The following SIK3 variants were observed in gnomAD, a reference collection of about 807,000 sequenced individuals.
SIK3 encodes serine/threonine-protein kinase SIK3.
Under a neutral mutation model 144.2 loss-of-function variants are expected in SIK3, and 28 were observed. The observed-to-expected ratio is 0.19, with a 90% CI of 0.14 to 0.27. SIK3 has a LOEUF of 0.27. Among genes scored for constraint, SIK3 ranks in the 10% least tolerant of loss-of-function variants. The probability of loss-of-function intolerance (pLI) is 1.00; values close to 1 mark genes in which losing one functional copy is unlikely to be tolerated. For missense variants in SIK3, 1,319 were observed against 1,776.0 expected (o/e 0.74, Z 4.62); for synonymous variants, 686 against 676.3 (o/e 1.01, Z -0.22).
chr11:116,977,608 C>T (rs1434643049), intron 1 of SIK3, among the ~76,000 whole-genome samples: 1 of 152,144 alleles, frequency 6.6e-6, no homozygotes, highest in African/African-American at 2.4e-5. Context: ...TAACAAACAG[C>T]AGATGCAGGC....
At chr11:116,988,974 T>A (rs1197675848) in intron 1 of SIK3, among the ~76,000 whole-genome samples, 1 of 151,716 alleles carries the variant, frequency 6.6e-6, no homozygotes, top group East Asian at 1.9e-4. Flanking sequence ...CCCTCAAGTC[T>A]CCCTTTCTGT....
chr11:117,071,430 T>C (rs571966299), intron 1 of SIK3, among the ~76,000 whole-genome samples: 1 of 151,724 alleles, frequency 6.6e-6, no homozygotes, highest in East Asian at 1.9e-4. Context: ...ACTAGATAAG[T>C]AACACTAGGA....
chr11:116,875,635 TG>T, intron 9 of SIK3, 184 bp from the exon 10 acceptor site: 2 of 795,470 alleles, frequency 2.5e-6, no homozygotes, highest in Non-Finnish European at 3.9e-6. Flanking sequence ...CCTCATGATT[TG>T]CTATTTCTTC....
chr11:116,873,741 CAG>C, intron 12 of SIK3, 105 bp from the exon 13 acceptor site: 1 of 1,475,840 alleles, frequency 6.8e-7, no homozygotes, highest in Admixed American at 2.3e-5. Context: ...TGGGTCATGA[CAG>C]AGACTAGAGG....
intron 3 of SIK3, among the ~76,000 whole-genome samples, chr11:116,940,829 C>T (rs991621836): frequency 6.7e-6 from 1 of 149,590 alleles, no homozygotes; most frequent in African/African-American, 2.5e-5. Context: ...AAATGTTAGT[C>T]ATATCTGATA....
intron 1 of SIK3, among the ~76,000 whole-genome samples, chr11:117,016,400 G>GAAGGAAGGAAGA (rs1951538067): frequency 7.9e-6 from 1 of 127,198 alleles, no homozygotes; most frequent in Non-Finnish European, 1.7e-5. Context: ...GGGAGGGAAG[G>GAAGGAAGGAAGA]AAGGAAGGAA....
intron 1 of SIK3, among the ~76,000 whole-genome samples, chr11:116,978,249 C>T (rs1201126015): frequency 1.3e-5 from 2 of 152,034 alleles, no homozygotes; most frequent in Non-Finnish European, 2.9e-5. Flanking sequence ...TACCAAAAGT[C>T]TTCTTCAGAA....
At chr11:117,041,035 C>T (rs1474405460) in intron 1 of SIK3, among the ~76,000 whole-genome samples, 2 of 150,410 alleles carry the variant, frequency 1.3e-5, no homozygotes, top group East Asian at 3.9e-4. Flanking sequence ...AACTATAGCC[C>T]TCATGTTATA....
In SIK3 at chr11:116,846,153, G is replaced by A. The variant is rs472111; in HGVS notation, c.*13+230C>T. On this transcript the variant is annotated intron_variant, in intron 24 of 24. Coordinates refer to ENST00000445177, the MANE Select transcript of SIK3 (RefSeq NM_001366686.3). This position sits in a 1 kb window ranked among gnomAD's most constrained non-coding sequence, Gnocchi z 4.1. ...AGTCTTGTGTCTTATTCCCATAACC[G>A]AACCAAGAGACTGTGTTTAGCATTT... Among the ~76,000 whole-genome samples, 21,371 of 152,090 alleles carry A rather than the reference G, an allele frequency of 0.14. 4,104 individuals carry two copies. Among genetic ancestry groups the A allele is most frequent in the African/African-American group, 0.44 (18,108 of 41,476 alleles).
chr11:116,909,260 C>T (rs1055442802), intron 4 of SIK3, among the ~76,000 whole-genome samples: 56 of 151,672 alleles, frequency 3.7e-4, no homozygotes, highest in Non-Finnish European at 8.8e-5. Flanking sequence ...GTATAAATGG[C>T]ATCCCTTGGA....
chr11:116,902,816 A>G (rs141196477), intron 4 of SIK3, among the ~76,000 whole-genome samples: 49 of 152,250 alleles, frequency 3.2e-4, no homozygotes, highest in Admixed American at 8.5e-4. Context: ...TTACCCCCCA[A>G]TTATGGGCAG....
At position 116,858,049 on chromosome 11, in the gene SIK3, T is replaced by C; in HGVS notation, c.3416A>G (p.His1139Arg). The C allele has an allele frequency of 2.5e-6, 4 of 1,613,840 alleles. No individual in the cohort carries two copies. The South Asian group carries it at 3.3e-5, about 13-fold the overall frequency. ...HGYAHQPALM[H>R]SESMEEDCSC... ...GCAGTCCTCCTCCATGCTCTCTGAATGCATCAGTGCCGGCTGGTGAGCATA... is the reference window on the plus strand; with the variant it reads ...GCAGTCCTCCTCCATGCTCTCTGAACGCATCAGTGCCGGCTGGTGAGCATA... Residue 1139 changes from histidine to arginine, a missense_variant, in exon 21 of 25, where the codon CAT (histidine) becomes CGT (arginine). Transcript: ENST00000445177. This position sits in a 1 kb window ranked among gnomAD's most constrained non-coding sequence, Gnocchi z 5.4.
intron 1 of SIK3, among the ~76,000 whole-genome samples, chr11:117,097,685 G>A (rs754845460): frequency 4.1e-4 from 62 of 151,924 alleles, no homozygotes; most frequent in Non-Finnish European, 7.8e-4. Context: ...GCCGTCCTGG[G>A]TCCCCTTACA....
At chr11:116,925,892 T>G (rs1241698545) in intron 4 of SIK3, among the ~76,000 whole-genome samples, 1 of 152,196 alleles carries the variant, frequency 6.6e-6, no homozygotes, top group Non-Finnish European at 1.5e-5. Context: ...AATAAGCTAG[T>G]GCAGGAGTGA....
chr11:116,982,005 G>A (rs1273255236), intron 1 of SIK3, among the ~76,000 whole-genome samples: 2 of 152,170 alleles, frequency 1.3e-5, no homozygotes, highest in African/African-American at 2.4e-5. Flanking sequence ...GAGTATGGGC[G>A]TCTGCTTAGG....
At chr11:117,076,072 C>T (rs61903414) in intron 1 of SIK3, among the ~76,000 whole-genome samples, 4,628 of 151,746 alleles carry the variant, frequency 0.03, 92 homozygotes, top group Non-Finnish European at 0.035. Context: ...TGGTCTCCAA[C>T]TCCTGATCTT....
At chr11:116,888,882 TAGAC>T (rs1277779389) in intron 6 of SIK3, among the ~76,000 whole-genome samples, 1 of 152,224 alleles carries the variant, frequency 6.6e-6, no homozygotes, top group East Asian at 1.9e-4. Context: ...TAAGCACTAA[TAGAC>T]AGTGTGGCTG....
chr11:116,993,373 A>C (rs1383617746), intron 1 of SIK3, among the ~76,000 whole-genome samples: 1 of 152,166 alleles, frequency 6.6e-6, no homozygotes, highest in East Asian at 1.9e-4. Flanking sequence ...TTAATTATGG[A>C]ATTCCTGGTT....
rs76412714 is a variant in SIK3, at chr11:117,071,367, G to C, written c.273+26776C>G. On this transcript the variant is annotated intron_variant, in intron 1 of 24. Transcript: ENST00000445177. ...GGATAGGTTTGCAAGGGCCAAAGAAGTCAAAGGACTACATGAAGATCGGGC... is the reference window on the plus strand; with the variant it reads ...GGATAGGTTTGCAAGGGCCAAAGAACTCAAAGGACTACATGAAGATCGGGC... Among the ~76,000 whole-genome samples the C allele has an allele frequency of 2.8e-3, 425 of 151,970 alleles. 4 individuals carry two copies. Among genetic ancestry groups the C allele is most frequent in the African/African-American group, 9.0e-3 (373 of 41,448 alleles).
Sources: gnomAD v4.1 joint callset for allele counts (sites outside exome capture counted in the v4.1 genomes callset) on GRCh38, gnomAD v4.1.1 for gene constraint, Gnocchi (gnomAD v3.1) non-coding constraint, MANE v1.5 for transcripts, NCBI Gene and HGNC (gene_info 2026-07-23, HGNC 2026-07-21) for gene names.